Variants in PRKN observed in about 807,000 individuals in gnomAD.
The protein encoded by PRKN is E3 ubiquitin-protein ligase parkin.
Under a neutral mutation model 59.5 loss-of-function variants are expected in PRKN, and 56 were observed. The ratio of observed to expected loss-of-function variants is 0.94; its 90% confidence interval spans 0.76 to 1.18. The LOEUF (loss-of-function observed/expected upper bound fraction) is 1.18, where lower values mean the gene tolerates loss of function less well. Among genes scored for constraint, PRKN ranks in the 50% most tolerant of loss-of-function variants. The pLI is 0.00. For missense variants in PRKN, 657 were observed against 596.4 expected, an observed-to-expected ratio of 1.10 and a Z score of -1.06; for synonymous variants, 250 against 222.1, an observed-to-expected ratio of 1.13 and a Z score of -1.12.
chr6:162,182,025 C>G (rs912842762), intron 4 of PRKN, among the ~76,000 whole-genome samples: 2 of 151,988 alleles, frequency 1.3e-5, no homozygotes, highest in South Asian at 2.1e-4. Context: ...GAGTTCCTGG[C>G]GTATTTTCTT....
chr6:162,302,537 C>T (rs7776024), intron 2 of PRKN, among the ~76,000 whole-genome samples: 8,864 of 152,050 alleles, frequency 0.058, 913 homozygotes, highest in African/African-American at 0.2. Flanking sequence ...TGACAGTCCC[C>T]GGGGAAGAGC....
chr6:162,332,562 A>C (rs1783630649), intron 2 of PRKN, among the ~76,000 whole-genome samples: 1 of 152,196 alleles, frequency 6.6e-6, no homozygotes, highest in South Asian at 2.1e-4. Context: ...CTTCATGAAA[A>C]ATTGGAAAAA....
chr6:162,222,583 A>G (rs1156677924), intron 3 of PRKN, among the ~76,000 whole-genome samples: 2 of 152,176 alleles, frequency 1.3e-5, no homozygotes, highest in African/African-American at 2.4e-5. Context: ...GTGAAAAATG[A>G]ATCCCAAACT....
intron 9 of PRKN, among the ~76,000 whole-genome samples, chr6:161,469,765 C>T (rs567548222): frequency 1.5e-4 from 23 of 152,216 alleles, no homozygotes; most frequent in East Asian, 1.4e-3. Flanking sequence ...TTAGGACTTC[C>T]GACCTACAGA....
intron 2 of PRKN, among the ~76,000 whole-genome samples, chr6:162,278,346 G>T (rs1780725706): frequency 6.6e-6 from 1 of 152,090 alleles, no homozygotes. Flanking sequence ...AAATACTCAG[G>T]GTGATACTAT....
At chr6:161,962,642 T>G (rs902430007) in intron 6 of PRKN, among the ~76,000 whole-genome samples, 2 of 151,742 alleles carry the variant, frequency 1.3e-5, no homozygotes, top group Non-Finnish European at 2.9e-5. Context: ...GTTCAAGTGA[T>G]TCTCCTAACT....
At chr6:161,897,672 C>T (rs1284461825) in intron 6 of PRKN, among the ~76,000 whole-genome samples, 1 of 152,090 alleles carries the variant, frequency 6.6e-6, no homozygotes, top group Non-Finnish European at 1.5e-5. Flanking sequence ...TTATGTTGTT[C>T]ATGGCATATA....
At chr6:162,663,388 C>T (rs558996383) in intron 1 of PRKN, among the ~76,000 whole-genome samples, 18 of 151,118 alleles carry the variant, frequency 1.2e-4, no homozygotes, top group African/African-American at 3.9e-4. Flanking sequence ...TTTGTGCTAC[C>T]CAGGAAGAAA....
intron 1 of PRKN, among the ~76,000 whole-genome samples, chr6:162,663,207 A>G (rs1393505068): frequency 6.6e-6 from 1 of 152,214 alleles, no homozygotes; most frequent in African/African-American, 2.4e-5. Flanking sequence ...ACATGGATTA[A>G]TTCTTCCAAT....
intron 9 of PRKN, among the ~76,000 whole-genome samples, chr6:161,474,466 A>C (rs1790964762): frequency 6.6e-6 from 1 of 152,218 alleles, no homozygotes; most frequent in Non-Finnish European, 1.5e-5. Flanking sequence ...TCCTTCAGTT[A>C]TAAACATAGG....
chr6:161,486,737 C>T (rs1168216299), intron 9 of PRKN, among the ~76,000 whole-genome samples: 2 of 152,138 alleles, frequency 1.3e-5, no homozygotes, highest in Non-Finnish European at 2.9e-5. Flanking sequence ...AAATGCTGCT[C>T]ATTATGATTA....
chr6:161,785,351 T>C (rs1362271825), intron 7 of PRKN, among the ~76,000 whole-genome samples: 1 of 152,212 alleles, frequency 6.6e-6, no homozygotes, highest in East Asian at 1.9e-4. Context: ...GTTTATCTCA[T>C]TCTGCTTTCT....
At position 161,593,858 on chromosome 6, in the gene PRKN, T is replaced by C. The variant is rs1220974750; in HGVS notation, c.872-24442A>G. Among the ~76,000 whole-genome samples, 7 of 151,920 alleles carry C rather than the reference T, an allele frequency of 4.6e-5. 1 individual carries two copies. In the South Asian group the frequency reaches 8.3e-4, roughly 18 times the overall value. ...GGTCAAATAGGTGGAGGTGATAGAA[T>C]TGACTGCTGGAGGCCGGGCGCAGTG... On this transcript the variant is annotated intron_variant, in intron 7 of 11. Coordinates refer to ENST00000366898, the MANE Select transcript of PRKN (RefSeq NM_004562.3). The surrounding 1 kb of genome is among the most constrained non-coding windows in gnomAD (Gnocchi z 4.8).
At chr6:162,471,723 C>T (rs6923407) in intron 1 of PRKN, among the ~76,000 whole-genome samples, 44,651 of 152,118 alleles carry the variant, frequency 0.29, 6,780 homozygotes, top group East Asian at 0.44. Context: ...GTATCTACTT[C>T]TGTTACTTTC....
At chr6:161,500,864 G>GTTTTTTTT (rs373088841) in intron 9 of PRKN, among the ~76,000 whole-genome samples, 2 of 132,542 alleles carry the variant, frequency 1.5e-5, no homozygotes, top group Non-Finnish European at 3.2e-5. Context: ...GTTTAGTTTA[G>GTTTTTTTT]TTTTTTTTTT....
chr6:161,610,987 G>A (rs536834854), intron 7 of PRKN, among the ~76,000 whole-genome samples: 7 of 152,252 alleles, frequency 4.6e-5, no homozygotes, highest in African/African-American at 1.7e-4. Context: ...TTGAGGGCGG[G>A]GATAGGATCT....
intron 2 of PRKN, among the ~76,000 whole-genome samples, chr6:162,338,752 A>G (rs929479375): frequency 5.7e-4 from 73 of 128,274 alleles, no homozygotes; most frequent in African/African-American, 2.2e-3. Context: ...CCGGCTGCCC[A>G]GTCTGGAAAG....
intron 7 of PRKN, among the ~76,000 whole-genome samples, chr6:161,631,803 C>T (rs1303434607): frequency 6.6e-6 from 1 of 152,114 alleles, no homozygotes; most frequent in Non-Finnish European, 1.5e-5. Flanking sequence ...ACCCCACACA[C>T]ACACATTCCT....
At chr6:162,449,985 A>G (rs1466294303) in intron 1 of PRKN, among the ~76,000 whole-genome samples, 2 of 152,228 alleles carry the variant, frequency 1.3e-5, no homozygotes, top group Non-Finnish European at 2.9e-5. Context: ...GTCCGTGCAC[A>G]TGGCATGTGG....
Sources: allele counts gnomAD v4.1 joint callset (sites outside exome capture counted in the v4.1 genomes callset), GRCh38; gene constraint gnomAD v4.1.1; non-coding constraint Gnocchi (gnomAD v3.1); transcripts MANE v1.5; gene names NCBI Gene and HGNC (gene_info 2026-07-23, HGNC 2026-07-21).